Variants in CACNA2D1 observed in about 807,000 individuals in gnomAD.
The protein encoded by CACNA2D1 is calcium voltage-gated channel auxiliary subunit alpha2delta 1, also known as voltage-dependent calcium channel subunit alpha-2/delta-1.
In CACNA2D1, 53 loss-of-function variants were observed where a neutral mutation model predicts 171.5. That is an observed-to-expected ratio of 0.31 (90% CI 0.25 to 0.39). CACNA2D1 has a LOEUF of 0.39. Ranked by LOEUF, CACNA2D1 falls within the 10% of genes least tolerant of loss-of-function variation. CACNA2D1 has a pLI of 1.00. For missense variants in CACNA2D1, 903 were observed against 1,299.8 expected (o/e 0.69, Z 4.69); for synonymous variants, 442 against 443.1 (o/e 1.00, Z 0.03).
At chr7:82,322,394 C>A (rs1438516933) in intron 3 of CACNA2D1, among the ~76,000 whole-genome samples, 1 of 149,418 alleles carries the variant, frequency 6.7e-6, no homozygotes. Context: ...GTGGGAGGAT[C>A]CCCTGAAGTC....
chr7:82,111,422 A>T, intron 6 of CACNA2D1, among the ~76,000 whole-genome samples: 1 of 71,658 alleles, frequency 1.4e-5, no homozygotes, highest in African/African-American at 5.3e-5. Context: ...ATGTGTATAT[A>T]TGTGTGTATA....
At chr7:82,333,647 A>G (rs991950966) in intron 3 of CACNA2D1, among the ~76,000 whole-genome samples, 3 of 151,792 alleles carry the variant, frequency 2.0e-5, no homozygotes, top group African/African-American at 7.3e-5. Context: ...TGGGAGCTAC[A>G]ATTCAAGATG....
intron 10 of CACNA2D1, among the ~76,000 whole-genome samples, chr7:82,059,017 G>A (rs1806282260): frequency 6.6e-6 from 1 of 152,104 alleles, no homozygotes; most frequent in Non-Finnish European, 1.5e-5. Context: ...GCTACCTGGA[G>A]CTTCAGGTGA....
intron 12 of CACNA2D1, among the ~76,000 whole-genome samples, chr7:82,031,465 A>C (rs1437316508): frequency 6.6e-6 from 1 of 151,944 alleles, no homozygotes; most frequent in Non-Finnish European, 1.5e-5. Context: ...TTCATTTATC[A>C]ACTTTTCAAA....
intron 5 of CACNA2D1, among the ~76,000 whole-genome samples, chr7:82,126,968 G>T (rs1251360311): frequency 1.3e-5 from 2 of 152,196 alleles, no homozygotes; most frequent in Non-Finnish European, 2.9e-5. Flanking sequence ...TTTGTTAAAA[G>T]AACTTGGTTC....
At chr7:81,962,382 C>T (rs1045205624) in intron 35 of CACNA2D1, 58 bp downstream of exon 35, 3 of 1,230,552 alleles carry the variant, frequency 2.4e-6, no homozygotes, top group Non-Finnish European at 2.4e-6. Context: ...ACTTCAAGCA[C>T]ATCCCAAAAG....
intron 4 of CACNA2D1, among the ~76,000 whole-genome samples, chr7:82,150,832 A>C (rs1793781172): frequency 6.6e-6 from 1 of 152,168 alleles, no homozygotes; most frequent in Non-Finnish European, 1.5e-5. Context: ...TTAACAGCAC[A>C]AAGAAAGGAA....
Position 82,443,484 on chromosome 7 carries a change from C to T in CACNA2D1, c.-25G>A, listed in dbSNP as rs780624106. 6.9e-6 allele frequency: 11 copies of T among 1,602,600 alleles called. No homozygotes were observed. The Admixed American group carries it at 1.7e-4, about 25-fold the overall frequency. ...TCTTCGCGATCGAAGATCAATGCCC[C>T]CTCCCTGCCCAAGCGGGGGAAGGAG... On this transcript the variant is annotated 5_prime_UTR_variant, in exon 1 of 39. Coordinates refer to ENST00000356860, the MANE Select transcript of CACNA2D1 (RefSeq NM_000722.4).
chr7:82,016,622 C>CCAA (rs1562874114), intron 12 of CACNA2D1, among the ~76,000 whole-genome samples: 4 of 112,542 alleles, frequency 3.6e-5, no homozygotes, highest in Non-Finnish European at 3.9e-5. Flanking sequence ...CCCCCCCCCC[C>CCAA]AAAAAAAAAG....
chr7:82,388,545 T>C (rs1229931775), intron 1 of CACNA2D1, among the ~76,000 whole-genome samples: 1 of 152,134 alleles, frequency 6.6e-6, no homozygotes, highest in Non-Finnish European at 1.5e-5. Flanking sequence ...CAGGAGAATA[T>C]AATCAAGGGG....
At chr7:81,996,094 AAAT>A (rs1466483179) in intron 19 of CACNA2D1, among the ~76,000 whole-genome samples, 1 of 152,156 alleles carries the variant, frequency 6.6e-6, no homozygotes, top group East Asian at 1.9e-4. Flanking sequence ...AGGAGCTCAA[AAAT>A]AATAAAGACT....
At chr7:82,010,040 A>G (rs1799587935) in intron 15 of CACNA2D1, among the ~76,000 whole-genome samples, 1 of 152,014 alleles carries the variant, frequency 6.6e-6, no homozygotes, top group South Asian at 2.1e-4. Context: ...CCCCATTTTT[A>G]TGGTTTCACT....
intron 12 of CACNA2D1, among the ~76,000 whole-genome samples, chr7:82,019,224 G>A (rs1262455700): frequency 2.0e-5 from 3 of 152,016 alleles, no homozygotes; most frequent in African/African-American, 7.2e-5. Flanking sequence ...GGAAGCTGAG[G>A]CAGGAGAATT....
At chr7:82,363,815 G>A (rs1821376412) in intron 1 of CACNA2D1, among the ~76,000 whole-genome samples, 1 of 152,196 alleles carries the variant, frequency 6.6e-6, no homozygotes, top group Non-Finnish European at 1.5e-5. Context: ...TTAATGGATG[G>A]ACTGGGTCTG....
chr7:82,041,847 T>C (rs1803998655), intron 10 of CACNA2D1, among the ~76,000 whole-genome samples: 2 of 152,154 alleles, frequency 1.3e-5, no homozygotes, highest in South Asian at 4.1e-4. Context: ...AGAGAATTAT[T>C]AGAAATGGTT....
At chr7:82,240,257 T>A (rs1027182358) in intron 3 of CACNA2D1, among the ~76,000 whole-genome samples, 6 of 152,162 alleles carry the variant, frequency 3.9e-5, no homozygotes, top group African/African-American at 1.4e-4. Context: ...ATAACACTAC[T>A]GAACTCATAA....
intron 10 of CACNA2D1, chr7:82,050,622 T>C (rs1805087172): frequency 2.8e-6 from 2 of 702,718 alleles, no homozygotes; most frequent in African/African-American, 1.7e-5. Flanking sequence ...GAAATCTCTT[T>C]ACTATCCTGG....
chr7:82,038,037 TG>T, intron 11 of CACNA2D1, 39 bp downstream of exon 11: 1 of 1,598,504 alleles, frequency 6.3e-7, no homozygotes. Flanking sequence ...ATACTACAAT[TG>T]AACAACAACA....
chr7:82,224,419 C>T (rs1802132412), intron 3 of CACNA2D1, among the ~76,000 whole-genome samples: 1 of 151,948 alleles, frequency 6.6e-6, no homozygotes, highest in Non-Finnish European at 1.5e-5. Flanking sequence ...AACTTCGTCT[C>T]TACTAAAAAT....
Sources: gnomAD v4.1 joint callset for allele counts (sites outside exome capture counted in the v4.1 genomes callset) on GRCh38, gnomAD v4.1.1 for gene constraint, MANE v1.5 for transcripts, NCBI Gene and HGNC (gene_info 2026-07-23, HGNC 2026-07-21) for gene names.